DIDO1: variants seen among roughly 807,000 people sequenced by gnomAD.
DIDO1 encodes death-inducer obliterator 1.
Under a neutral mutation model 99.4 loss-of-function variants are expected in DIDO1, and 16 were observed. That is an observed-to-expected ratio of 0.16 (90% CI 0.11 to 0.24). The LOEUF is 0.24. Ranked by LOEUF, DIDO1 falls within the 10% of genes least tolerant of loss-of-function variation. DIDO1 has a pLI of 1.00. For synonymous variants in DIDO1, 1,366 were observed against 1,239.1 expected (o/e 1.10, Z -2.15); for missense variants, 2,996 against 3,014.0 (o/e 0.99, Z 0.14).
At chr20:62,921,823 A>C (rs1468302088) in intron 1 of DIDO1, among the ~76,000 whole-genome samples, 3 of 150,648 alleles carry the variant, frequency 2.0e-5, no homozygotes, top group Non-Finnish European at 3.0e-5. Flanking sequence ...GTATATCCAC[A>C]ATATATATAT....
At chr20:62,917,583 G>C (rs975416847) in intron 1 of DIDO1, among the ~76,000 whole-genome samples, 2 of 152,108 alleles carry the variant, frequency 1.3e-5, no homozygotes, top group African/African-American at 4.8e-5. Flanking sequence ...GAGACCACTC[G>C]GCTCCCAGCT....
rs765156836 is a variant in DIDO1, at chr20:62,880,284, C to T, written c.5672G>A (p.Gly1891Asp). ...SRGGAPFQFG[G>D]QRRPLLSQLK... ...CTGAGACAGCAGTGGCCTTCTCTGG[C>T]CTCCGAACTGGAAAGGCGCGCCGCC... The change falls in exon 16 of 16, where the codon GGC (glycine) becomes GAC (aspartate). Residue 1891 changes from glycine (G) to aspartate (D), a missense_variant. By Grantham distance (94) the Gly-to-Asp change is moderately conservative. Coordinates refer to ENST00000395343, the MANE Select transcript of DIDO1 (RefSeq NM_001193369.2). 1.9e-6 allele frequency: 3 copies of T among 1,612,730 alleles called. No individual in the cohort carries two copies. In the Admixed American group the frequency reaches 5.0e-5, roughly 27 times the overall value.
At chr20:62,925,613 T>C (rs1202216416) in intron 1 of DIDO1, among the ~76,000 whole-genome samples, 1 of 152,146 alleles carries the variant, frequency 6.6e-6, no homozygotes, top group African/African-American at 2.4e-5. Context: ...AACTCTAAAC[T>C]TATATATTAA....
chr20:62,917,233 G>C (rs2065053854), intron 1 of DIDO1, among the ~76,000 whole-genome samples: 1 of 151,964 alleles, frequency 6.6e-6, no homozygotes, highest in African/African-American at 2.4e-5. Flanking sequence ...GTCTTACTAT[G>C]TTGCCCAAGC....
chr20:62,896,932 G>A lies in DIDO1; in HGVS notation c.1653C>T (p.Ala551=), dbSNP rs576523837. ...GCTTGCCCACCGCGGAGCCTGGAGG[G>A]GCTGTTTTCTTTGAGGCTGCCATGG... ...AAAMAASKKT[A]PPGSAVGKQP... Residue 551 remains alanine (A), a synonymous_variant, in exon 7 of 16, where the codon GCC becomes GCT. Transcript: ENST00000395343. The surrounding 1 kb of genome is among the most constrained non-coding windows in gnomAD (Gnocchi z 4.4). 1.9e-6 allele frequency: 3 copies of A among 1,614,006 alleles called. No individual in the cohort carries two copies. The highest frequency in any genetic ancestry group is 2.2e-5 in the East Asian group (1 of 44,886).
chr20:62,890,059 C>T (rs1167173489), intron 15 of DIDO1: 2 of 985,736 alleles, frequency 2.0e-6, no homozygotes, highest in South Asian at 4.7e-5. Flanking sequence ...GGTGGGAACA[C>T]CCTGCACAGC....
Position 62,879,427 on chromosome 20 carries a change from T to C in DIDO1, c.6529A>G (p.Arg2177Gly). 1 of 1,546,808 alleles carries C rather than the reference T, an allele frequency of 6.5e-7. No homozygotes were observed. Among genetic ancestry groups the C allele is most frequent in the Non-Finnish European group, 8.7e-7 (1 of 1,150,984 alleles). Residue 2177 changes from arginine to glycine, a missense_variant, in exon 16 of 16, where the codon AGG becomes GGG. By Grantham distance (125) the Arg-to-Gly change is moderately radical. Around this residue, in one of 5 missense-constraint regions of DIDO1, gnomAD observed 1,562 missense variants for 1,412.6 expected, o/e 1.11. Transcript: ENST00000395343. This position sits in a 1 kb window ranked among gnomAD's most constrained non-coding sequence, Gnocchi z 6.3. ...CGGTCTCGCTCGCGCTCTCGGTTCC[T>C]GCTCCGCTCCCGGCTGCGGTCCCAC... ...KEWDRSRERS[R>G]NRERERDRRR...
chr20:62,882,231 G>A lies in DIDO1; in HGVS notation c.3725C>T (p.Ser1242Phe), dbSNP rs763831828. 3.7e-6 allele frequency: 6 copies of A among 1,613,726 alleles called. No individual in the cohort carries two copies. Among genetic ancestry groups the A allele is most frequent in the Non-Finnish European group, 5.1e-6 (6 of 1,180,050 alleles). The change falls in exon 16 of 16, where the codon TCC becomes TTC. Residue 1242 changes from serine to phenylalanine, a missense_variant. Ser to Phe is a radical substitution (Grantham distance 155, BLOSUM62 -2). Coordinates refer to ENST00000395343, the MANE Select transcript of DIDO1 (RefSeq NM_001193369.2). The stretch of plus-strand genomic sequence containing the variant: ...GTCTGCAGAGCAGAGTGGATACTTG[G>A]AGGGCTTCTTTTCCGACTGCGGGAC... ...ATVPQSEKKP[S>F]KYPLCSADAA...
At chr20:62,906,208 T>C in intron 5 of DIDO1, 108 bp from the exon 6 acceptor site, 2 of 1,394,734 alleles carry the variant, frequency 1.4e-6, no homozygotes, top group Non-Finnish European at 1.9e-6. Flanking sequence ...TGAGGCCATC[T>C]GAAGACCCTG....
chr20:62,911,077 C>T lies in DIDO1; in HGVS notation c.536G>A (p.Arg179Lys). 6.2e-7 allele frequency: 1 copy of T among 1,613,900 alleles called. No individual in the cohort carries two copies. Among genetic ancestry groups the T allele is most frequent in the Non-Finnish European group, 8.5e-7 (1 of 1,180,040 alleles). Residue 179 changes from arginine to lysine, a missense_variant, in exon 3 of 16, where the codon AGG (arginine) becomes AAG (lysine). Physicochemically the swap from Arg to Lys is conservative, Grantham distance 26 (BLOSUM62 2). This residue lies in a region of DIDO1 where 388 missense variants were observed against 376.6 expected (regional missense o/e 1.03). Transcript: ENST00000395343. The surrounding 1 kb of genome is among the most constrained non-coding windows in gnomAD (Gnocchi z 7.0). Reference sequence around the variant, plus strand: ...GCGACTCTGGATCCCTTTCAGGGGCCTCTCAGTGGGCTCCTGTTCCCGCTT... The same window carrying T: ...GCGACTCTGGATCCCTTTCAGGGGCTTCTCAGTGGGCTCCTGTTCCCGCTT... ...RRKREQEPTE[R>K]PLKGIQSRLR...
At position 62,880,842 on chromosome 20, in the gene DIDO1, T is replaced by G; in HGVS notation, c.5114A>C (p.Asn1705Thr). The change falls in exon 16 of 16, where the codon AAT becomes ACT. Residue 1705 changes from asparagine to threonine, a missense_variant. This residue lies in a region of DIDO1 where 1,562 missense variants were observed against 1,412.6 expected (regional missense o/e 1.11). Coordinates refer to ENST00000395343, the MANE Select transcript of DIDO1 (RefSeq NM_001193369.2). ...GCTGCTCCTTCCAGCAGAATGAAGA[T>G]TTCTTGGGTCCTCATACTGGGCTGA... ...LGSAQYEDPR[N>T]LHSAGRSSSP... is the part of the protein sequence containing the mutation. 2 of 1,612,768 alleles carry G rather than the reference T, an allele frequency of 1.2e-6. No individual in the cohort carries two copies. The highest frequency in any genetic ancestry group is 1.7e-6 in the Non-Finnish European group (2 of 1,179,974).
chr20:62,897,680 A>C (rs2064567646), intron 6 of DIDO1, among the ~76,000 whole-genome samples: 1 of 152,272 alleles, frequency 6.6e-6, no homozygotes, highest in Non-Finnish European at 1.5e-5. Flanking sequence ...AACAAGGATT[A>C]TAATTAAAAG....
intron 15 of DIDO1, 39 bp downstream of exon 15, chr20:62,890,921 C>A (rs374493563): frequency 1.2e-6 from 2 of 1,612,402 alleles, no homozygotes; most frequent in Non-Finnish European, 1.7e-6. Context: ...GGTGCAGGTG[C>A]AGGTGGGCCT....
chr20:62,897,869 G>A (rs184599165), intron 6 of DIDO1, among the ~76,000 whole-genome samples: 1 of 152,332 alleles, frequency 6.6e-6, no homozygotes, highest in Admixed American at 6.5e-5. Context: ...ACCGCATGCC[G>A]GGGCAGGGAT....
intron 1 of DIDO1, among the ~76,000 whole-genome samples, chr20:62,920,443 G>A (rs1421504846): frequency 6.6e-6 from 1 of 152,190 alleles, no homozygotes; most frequent in Non-Finnish European, 1.5e-5. Context: ...AGGGAGAGGT[G>A]TGTACTGGAA....
intron 1 of DIDO1, among the ~76,000 whole-genome samples, chr20:62,934,876 C>A (rs906290802): frequency 3.3e-5 from 5 of 152,204 alleles, no homozygotes; most frequent in African/African-American, 9.7e-5. Flanking sequence ...TCAGACCCCC[C>A]GGCCACTTTC....
At chr20:62,914,709 G>A (rs978021820) in intron 1 of DIDO1, among the ~76,000 whole-genome samples, 2 of 152,144 alleles carry the variant, frequency 1.3e-5, no homozygotes, top group African/African-American at 2.4e-5. Context: ...GAGAGGAGTC[G>A]CCAAGCATCA....
At position 62,879,946 on chromosome 20, in the gene DIDO1, G is replaced by A. The variant is rs746029374; in HGVS notation, c.6010C>T (p.Gln2004Ter). Reference sequence around the variant, plus strand: ...TGGAAGTGAAATCGCGAAGGGGTCTGCTCATTTTTTTCAGAAAAGGGTGCG... The same window carrying A: ...TGGAAGTGAAATCGCGAAGGGGTCTACTCATTTTTTTCAGAAAAGGGTGCG... ...GSAPFSEKNEQTPSRFHFQGQ... is the reference protein window; with the variant it reads ...GSAPFSEKNE The change falls in exon 16 of 16, where the codon CAG becomes TAG. Residue 2004 changes from glutamine to a stop codon, truncating the protein, a stop_gained. Coordinates refer to ENST00000395343, the MANE Select transcript of DIDO1 (RefSeq NM_001193369.2). LOFTEE classifies it low-confidence loss of function (END_TRUNC). This position sits in a 1 kb window ranked among gnomAD's most constrained non-coding sequence, Gnocchi z 6.3. 6.2e-7 allele frequency: 1 copy of A among 1,605,442 alleles called. No homozygotes were observed. The highest frequency in any genetic ancestry group is 8.5e-7 in the Non-Finnish European group (1 of 1,177,350).
At chr20:62,929,580 C>CCGGCG (rs2065304275), upstream of DIDO1, among the ~76,000 whole-genome samples, 2 of 151,450 alleles carry the variant, frequency 1.3e-5, no homozygotes, top group Admixed American at 1.3e-4. Context: ...GCCTCAGTGC[C>CCGGCG]CGGCGCGCCG....
Sources: gnomAD v4.1 joint callset for allele counts (sites outside exome capture counted in the v4.1 genomes callset) on GRCh38, gnomAD v4.1.1 for gene constraint, gnomAD v4.1.1 regional missense constraint, Gnocchi (gnomAD v3.1) non-coding constraint, MANE v1.5 for transcripts, NCBI Gene and HGNC (gene_info 2026-07-23, HGNC 2026-07-21) for gene names.